The following COL15A1 variants were observed in gnomAD, a reference collection of about 807,000 sequenced individuals.
COL15A1 encodes the protein collagen type XV alpha 1 chain, also known as collagen alpha-1(XV) chain.
A neutral mutation model predicts 165.9 loss-of-function variants in COL15A1; 111 were observed. The ratio of observed to expected loss-of-function variants is 0.67; its 90% CI spans 0.57 to 0.78. The LOEUF (loss-of-function observed/expected upper bound fraction) is 0.78, where lower values mean the gene tolerates loss of function less well. COL15A1 is among the 30% of genes least tolerant of loss of function. The pLI is 0.00. For synonymous variants in COL15A1, 659 were observed against 674.8 expected, an observed-to-expected ratio of 0.98 and a Z score of 0.36; for missense variants, 1,745 against 1,789.7, an observed-to-expected ratio of 0.98 and a Z score of 0.45.
chr9:99,044,745 G>C lies in COL15A1; in HGVS notation c.2654G>C (p.Gly885Ala). The stretch of plus-strand genomic sequence containing the variant: ...ATCTTCCTGTTTTAGGGTGAACCTG[G>C]AATGCATGGAGCCCCAGGACCAATG... ...ERLMGKKGEP[G>A]MHGAPGPMGP... Residue 885 changes from glycine to alanine, a missense_variant, in exon 26 of 42, where the codon GGA becomes GCA. Coordinates refer to ENST00000375001, the MANE Select transcript of COL15A1 (RefSeq NM_001855.5). The C allele has an allele frequency of 6.2e-7, 1 of 1,613,942 alleles. No individual in the cohort carries two copies. The highest frequency in any genetic ancestry group is 1.1e-5 in the South Asian group (1 of 91,064).
At chr9:99,029,657 C>A (rs1320803020) in intron 16 of COL15A1, among the ~76,000 whole-genome samples, 4 of 152,160 alleles carry the variant, frequency 2.6e-5, no homozygotes. Flanking sequence ...GGTACGGTGG[C>A]TCACTCCTGT....
At chr9:99,025,752 G>C in intron 15 of COL15A1, 152 bp from the exon 16 acceptor site, 3 of 747,986 alleles carry the variant, frequency 4.0e-6, no homozygotes, top group Non-Finnish European at 7.0e-6. Flanking sequence ...CCCAGCCTGG[G>C]CCAAGGACTA....
chr9:98,959,603 A>T (rs1163719277), intron 2 of COL15A1, among the ~76,000 whole-genome samples: 1 of 152,120 alleles, frequency 6.6e-6, no homozygotes, highest in Non-Finnish European at 1.5e-5. Context: ...GCCATAAAAA[A>T]AAAAAAATTA....
At chr9:98,965,899 G>C (rs1262519332) in intron 2 of COL15A1, among the ~76,000 whole-genome samples, 4 of 151,048 alleles carry the variant, frequency 2.6e-5, no homozygotes, top group South Asian at 2.1e-4. Flanking sequence ...ATCCCCCAGA[G>C]CCCAGCCCAG....
At chr9:99,050,627 G>A (rs1839572731) in intron 30 of COL15A1, among the ~76,000 whole-genome samples, 2 of 152,342 alleles carry the variant, frequency 1.3e-5, no homozygotes, top group South Asian at 4.1e-4. Context: ...ACAGAACCAT[G>A]CATAATCATT....
At chr9:99,002,002 C>T (rs552536213) in intron 7 of COL15A1, among the ~76,000 whole-genome samples, 34 of 152,206 alleles carry the variant, frequency 2.2e-4, no homozygotes, top group Admixed American at 2.0e-3. Context: ...CAGCCAGCTC[C>T]CTTTGGAGAG....
chr9:99,052,502 C>T (rs2117896381), intron 31 of COL15A1, 69 bp downstream of exon 31: 1 of 1,301,642 alleles, frequency 7.7e-7, no homozygotes. Flanking sequence ...TTTCCTTTGC[C>T]CAGTGCAGGG....
rs1825719913 is a variant in COL15A1, at chr9:99,056,334, T to G, written c.3267T>G (p.Phe1089Leu). 6.2e-6 allele frequency: 10 copies of G among 1,613,948 alleles called. No homozygotes were observed. The highest frequency in any genetic ancestry group is 7.6e-6 in the Non-Finnish European group (9 of 1,180,022). ...CTGGTCTGCCTGGGCCACCTGGCTT[T>G]GGAAGACCTGGTGATCCTGGGCCAC... ...GAPGLPGPPGFGRPGDPGPPG... is the reference protein window; with the variant it reads ...GAPGLPGPPGLGRPGDPGPPG... The change falls in exon 35 of 42, where the codon TTT becomes TTG. Residue 1089 changes from phenylalanine (F) to leucine (L), a missense_variant. Transcript: ENST00000375001.
At chr9:98,945,582 G>A (rs1470922200) in intron 2 of COL15A1, among the ~76,000 whole-genome samples, 1 of 152,226 alleles carries the variant, frequency 6.6e-6, no homozygotes, top group African/African-American at 2.4e-5. Flanking sequence ...TTTGCCTGAA[G>A]AAGCCCAAGA....
Position 99,055,376 on chromosome 9 carries a change from A to G in COL15A1, c.3192+4A>G. On this transcript the variant is annotated splice_donor_region_variant and intron_variant, in intron 34 of 41. Transcript: ENST00000375001. ...GCCCGGAAATCCAGGCCCGGCTGTG[A>G]GTAGAGACCCCTCCAAGTCATCTAC... 6.3e-7 allele frequency: 1 copy of G among 1,577,814 alleles called. No individual in the cohort carries two copies. Among genetic ancestry groups the G allele is most frequent in the East Asian group, 2.2e-5 (1 of 44,696 alleles).
At position 99,054,740 on chromosome 9, in the gene COL15A1, G is replaced by A. The variant is rs1324033140; in HGVS notation, c.3031+84G>A. On this transcript the variant is annotated intron_variant, in intron 32 of 41. Transcript: ENST00000375001. ...GACTGAGAAATGTGACCTAGCCAGAGGGTAAGACTAATGACATTCCACCCT... is the reference window on the plus strand; with the variant it reads ...GACTGAGAAATGTGACCTAGCCAGAAGGTAAGACTAATGACATTCCACCCT... 2.8e-6 allele frequency: 4 copies of A among 1,437,462 alleles called. No homozygotes were observed. The African/African-American group carries it at 5.8e-5, about 21-fold the overall frequency. The allele number at this position is 1,437,462 out of a possible 1,614,324, so 89.0% of individuals were successfully genotyped here.
rs62561255 is a variant in COL15A1, at chr9:99,025,972, G to A, written c.2043+6G>A. On this transcript the variant is annotated splice_donor_region_variant and intron_variant, in intron 16 of 41. Coordinates refer to ENST00000375001, the MANE Select transcript of COL15A1 (RefSeq NM_001855.5). The stretch of plus-strand genomic sequence containing the variant: ...CCGGGATGAAAGGGGAGAAGGTACG[G>A]GGAACACGGGAGGGTCCCACCACAT... 5 of 1,607,778 alleles carry A rather than the reference G, an allele frequency of 3.1e-6. No individual in the cohort carries two copies. The highest frequency in any genetic ancestry group is 4.2e-6 in the Non-Finnish European group (5 of 1,177,128).
intron 2 of COL15A1, among the ~76,000 whole-genome samples, chr9:98,946,352 T>C (rs1837583585): frequency 6.6e-6 from 1 of 152,112 alleles, no homozygotes; most frequent in South Asian, 2.1e-4. Flanking sequence ...CATCCTAGTG[T>C]GTAGTTAGAA....
intron 2 of COL15A1, among the ~76,000 whole-genome samples, chr9:98,968,740 T>C (rs1837995744): frequency 6.6e-6 from 1 of 152,176 alleles, no homozygotes. Flanking sequence ...CAGGCTATTA[T>C]CATTATTAAG....
At chr9:99,021,084 C>T (rs1214961720) in intron 12 of COL15A1, among the ~76,000 whole-genome samples, 1 of 152,186 alleles carries the variant, frequency 6.6e-6, no homozygotes, top group African/African-American at 2.4e-5. Context: ...CCACAGTGAC[C>T]CCAGTCAAGA....
chr9:99,007,319 A>G (rs975193990), intron 9 of COL15A1, among the ~76,000 whole-genome samples: 1 of 152,218 alleles, frequency 6.6e-6, no homozygotes, highest in African/African-American at 2.4e-5. Flanking sequence ...AAGGAATAGC[A>G]TGGGAGGCCG....
rs778609597 is a variant in COL15A1, at chr9:98,996,910, G to A, written c.805-24G>A. ...GCTTTACTGCCAAGTAAATCATTTT[G>A]CATCTCATTTTTCCTCCCTTCAGCC... On this transcript the variant is annotated intron_variant, in intron 5 of 41. Transcript: ENST00000375001. 3.7e-6 allele frequency: 6 copies of A among 1,608,732 alleles called. No homozygotes were observed. In the South Asian group the frequency reaches 6.6e-5, roughly 18 times the overall value.
intron 2 of COL15A1, among the ~76,000 whole-genome samples, chr9:98,978,082 T>C (rs894350717): frequency 6.6e-6 from 1 of 152,230 alleles, no homozygotes; most frequent in African/African-American, 2.4e-5. Flanking sequence ...GGCTGCCCCA[T>C]CTGTTGCTTC....
At chr9:99,038,543 G>A in intron 21 of COL15A1, 125 bp from the exon 22 acceptor site, 2 of 650,888 alleles carry the variant, frequency 3.1e-6, no homozygotes, top group Non-Finnish European at 5.6e-6. Flanking sequence ...GCAGTGGGCT[G>A]AGGGCGTTCT....
Sources: gnomAD v4.1 joint callset for allele counts (sites outside exome capture counted in the v4.1 genomes callset) on GRCh38, gnomAD v4.1.1 for gene constraint, MANE v1.5 for transcripts, NCBI Gene and HGNC (gene_info 2026-07-23, HGNC 2026-07-21) for gene names.